Variants in NTRK3 observed in about 807,000 individuals in gnomAD.
The protein encoded by NTRK3 is NT-3 growth factor receptor.
In NTRK3, 24 loss-of-function variants were observed where a neutral mutation model predicts 91.7. The observed-to-expected ratio is 0.26, with a 90% CI of 0.19 to 0.37. NTRK3 has a LOEUF of 0.37. Among genes scored for constraint, NTRK3 ranks in the 10% least tolerant of loss-of-function variants. The pLI is 1.00. For synonymous variants in NTRK3, 483 were observed against 404.0 expected (o/e 1.20, Z -2.34); for missense variants, 880 against 1,068.9 (o/e 0.82, Z 2.46).
At chr15:88,110,767 T>C (rs531688966) in intron 13 of NTRK3, among the ~76,000 whole-genome samples, 6 of 152,272 alleles carry the variant, frequency 3.9e-5, no homozygotes, top group African/African-American at 1.4e-4. Flanking sequence ...ACTGGGGACA[T>C]GGCAGGAGCT....
chr15:88,059,857 G>A (rs1226868114), intron 13 of NTRK3, among the ~76,000 whole-genome samples: 1 of 152,214 alleles, frequency 6.6e-6, no homozygotes, highest in African/African-American at 2.4e-5. Flanking sequence ...CTAACCCAAT[G>A]TCACTGGTGT....
exon 19 of NTRK3, chr15:87,868,928 C>T (rs1456293208): frequency 3.1e-5 from 7 of 226,494 alleles, no homozygotes; most frequent in African/African-American, 1.1e-4. Flanking sequence ...CCGGCCTAGA[C>T]GCAGTCATGA....
chr15:87,991,677 G>C (rs572754725), intron 14 of NTRK3, among the ~76,000 whole-genome samples: 31 of 152,084 alleles, frequency 2.0e-4, no homozygotes, highest in African/African-American at 6.3e-4. Flanking sequence ...TCAAACTCTT[G>C]GAGTCATCTT....
At chr15:87,928,657 T>TCCAAATG in intron 17 of NTRK3, 1 of 182,244 alleles carries the variant, frequency 5.5e-6, no homozygotes, top group African/African-American at 2.4e-5. Context: ...CCAGCCCATT[T>TCCAAATG]GGATAATGCT....
Position 88,255,204 on chromosome 15 carries a change from A to T in NTRK3, c.248+702T>A, listed in dbSNP as rs1400991974. Among the ~76,000 whole-genome samples the T allele has an allele frequency of 1.3e-5, 2 of 152,112 alleles. No individual in the cohort carries two copies. The highest frequency in any genetic ancestry group is 2.9e-5 in the Non-Finnish European group (2 of 68,018). Reference sequence around the variant, plus strand: ...GCAGTTATCAAAGCCCAAACTGGGAAGGGATCTGTAGGCGCCCAGATGCAG... The same window carrying T: ...GCAGTTATCAAAGCCCAAACTGGGATGGGATCTGTAGGCGCCCAGATGCAG... On this transcript the variant is annotated intron_variant, in intron 3 of 18. Transcript: ENST00000394480. This position sits in a 1 kb window ranked among gnomAD's most constrained non-coding sequence, Gnocchi z 4.3.
At chr15:87,888,626 A>C (rs2065681005) in intron 17 of NTRK3, among the ~76,000 whole-genome samples, 1 of 152,182 alleles carries the variant, frequency 6.6e-6, no homozygotes, top group South Asian at 2.1e-4. Context: ...AAATGCTTTT[A>C]CTAATTTGCT....
At chr15:88,138,564 C>T (rs1242193687) in intron 6 of NTRK3, among the ~76,000 whole-genome samples, 1 of 152,154 alleles carries the variant, frequency 6.6e-6, no homozygotes, top group Non-Finnish European at 1.5e-5. Context: ...TCACTCCCTC[C>T]TCCTCTTCAG....
At chr15:87,969,378 C>G (rs2073070811) in intron 14 of NTRK3, among the ~76,000 whole-genome samples, 1 of 152,142 alleles carries the variant, frequency 6.6e-6, no homozygotes, top group African/African-American at 2.4e-5. Context: ...CGTCCCCCAA[C>G]TCATATATTG....
intron 13 of NTRK3, among the ~76,000 whole-genome samples, chr15:88,057,037 C>T (rs979492281): frequency 1.3e-5 from 2 of 151,116 alleles, no homozygotes; most frequent in Admixed American, 6.6e-5. Context: ...GGCATGGTGG[C>T]GCGCGCCTGT....
intron 17 of NTRK3, among the ~76,000 whole-genome samples, chr15:87,907,684 G>A (rs1364665660): frequency 6.6e-6 from 1 of 152,132 alleles, no homozygotes; most frequent in Admixed American, 6.5e-5. Context: ...GGATCTTTAA[G>A]GCTGAGTAGG....
At chr15:87,972,954 CCTGT>C (rs1471744842) in intron 14 of NTRK3, among the ~76,000 whole-genome samples, 3 of 152,148 alleles carry the variant, frequency 2.0e-5, no homozygotes, top group Admixed American at 2.0e-4. Context: ...CAGAAGTGCT[CCTGT>C]CTTTCTTGTT....
rs546212107 is a variant in NTRK3 at position 88,176,610 on chromosome 15, G to T, written c.395+6808C>A. Among the ~76,000 whole-genome samples the T allele has an allele frequency of 2.0e-5, 3 of 152,310 alleles. No homozygotes were observed. In the East Asian group the frequency reaches 5.8e-4, roughly 29 times the overall value. ...TCCTGGCTCAGCTCTTACCCATGGA[G>T]ATCTTGGTCAGAATTCTTCCACTCA... On this transcript the variant is annotated intron_variant, in intron 5 of 18. Coordinates refer to ENST00000394480, the Ensembl canonical transcript of NTRK3.
chr15:88,007,220 A>C (rs533012169), intron 14 of NTRK3, among the ~76,000 whole-genome samples: 2 of 152,334 alleles, frequency 1.3e-5, no homozygotes, highest in South Asian at 2.1e-4. Flanking sequence ...TGTTATCCTT[A>C]TTTACAGACA....
chr15:88,151,341 G>A (rs981483913), intron 5 of NTRK3, among the ~76,000 whole-genome samples: 9 of 152,042 alleles, frequency 5.9e-5, no homozygotes, highest in Admixed American at 1.3e-4. Flanking sequence ...TGGGTGCTCC[G>A]GGAACAAGGA....
At chr15:88,163,164 C>T (rs2044622896) in intron 5 of NTRK3, among the ~76,000 whole-genome samples, 1 of 152,150 alleles carries the variant, frequency 6.6e-6, no homozygotes, top group South Asian at 2.1e-4. Flanking sequence ...CAGAAATTCC[C>T]CCAACACAGC....
intron 13 of NTRK3, among the ~76,000 whole-genome samples, chr15:88,057,053 C>T (rs887337943): frequency 6.0e-5 from 9 of 150,744 alleles, no homozygotes; most frequent in Non-Finnish European, 1.3e-4. Flanking sequence ...CCTGTAGTCC[C>T]AGCTACACGG....
chr15:88,181,516 G>A (rs1054499207), intron 5 of NTRK3, among the ~76,000 whole-genome samples: 7 of 152,192 alleles, frequency 4.6e-5, no homozygotes, highest in Non-Finnish European at 8.8e-5. Context: ...CAGGGACACC[G>A]TGCCCTAGAA....
chr15:88,079,853 T>C (rs1450533270), intron 13 of NTRK3, among the ~76,000 whole-genome samples: 1 of 152,174 alleles, frequency 6.6e-6, no homozygotes, highest in Non-Finnish European at 1.5e-5. Context: ...TCACCCATCA[T>C]CTCCAAACCT....
intron 3 of NTRK3, among the ~76,000 whole-genome samples, chr15:88,199,180 G>A (rs943413348): frequency 6.6e-6 from 1 of 152,062 alleles, no homozygotes; most frequent in Non-Finnish European, 1.5e-5. Flanking sequence ...TCACTTGGGG[G>A]GCTCAGGGAG....
Sources: gnomAD v4.1 joint callset for allele counts (sites outside exome capture counted in the v4.1 genomes callset) on GRCh38, gnomAD v4.1.1 for gene constraint, Gnocchi (gnomAD v3.1) non-coding constraint, MANE v1.5 for transcripts, NCBI Gene and HGNC (gene_info 2026-07-23, HGNC 2026-07-21) for gene names.